The following IGLL5 variants were observed in gnomAD, a reference collection of about 807,000 sequenced individuals.
The protein encoded by IGLL5 is immunoglobulin lambda like polypeptide 5.
In IGLL5, 30 loss-of-function variants were observed where a neutral mutation model predicts 20.9. The observed-to-expected ratio is 1.44, with a 90% CI of 1.07 to 1.95. The LOEUF is 1.95. IGLL5 is among the 30% of genes most tolerant of loss of function. IGLL5 has a pLI of 0.00. For synonymous variants in IGLL5, 203 were observed against 117.3 expected, an observed-to-expected ratio of 1.73 and a Z score of -4.72; for missense variants, 475 against 270.7, an observed-to-expected ratio of 1.75 and a Z score of -5.30.
intron 2 of IGLL5, among the ~76,000 whole-genome samples, chr22:22,894,035 C>G (rs964313764): frequency 6.7e-6 from 1 of 150,286 alleles, no homozygotes; most frequent in Admixed American, 6.6e-5. Context: ...GGTCCCGGGG[C>G]CTGAGCTGGG....
At chr22:22,894,824 T>C (rs1601628839) in intron 2 of IGLL5, among the ~76,000 whole-genome samples, 1 of 151,264 alleles carries the variant, frequency 6.6e-6, no homozygotes, top group Admixed American at 6.6e-5. Flanking sequence ...GCCCACTCCT[T>C]GCCAGGAGAG....
At chr22:22,888,836 G>A (rs1601604386) in intron 1 of IGLL5, among the ~76,000 whole-genome samples, 2 of 151,450 alleles carry the variant, frequency 1.3e-5, no homozygotes, top group East Asian at 2.0e-4. Context: ...CAGGCCCACG[G>A]CCCATGTTTG....
rs537446541 is a variant in IGLL5, at chr22:22,892,202, T to C, written c.207-1498T>C. 7.3e-5 allele frequency among the ~76,000 whole-genome samples: 11 copies of C among 151,358 alleles called. 1 individual carries two copies. The South Asian group carries it at 2.3e-3, about 32-fold the overall frequency. On this transcript the variant is annotated intron_variant, in intron 1 of 2. Transcript: ENST00000526893. Reference sequence around the variant, plus strand: ...TTAATAAAAGGCTAAATGTTTGCTTTCTTTATATGAGAAACAAGTGTTGAA... The same window carrying C: ...TTAATAAAAGGCTAAATGTTTGCTTCCTTTATATGAGAAACAAGTGTTGAA...
rs1382106204 is a variant in IGLL5 at position 22,892,273 on chromosome 22, CAT to C, written c.207-1426_207-1425del. 9.5e-4 allele frequency among the ~76,000 whole-genome samples: 144 copies of C among 151,258 alleles called. 3 individuals carry two copies. Among genetic ancestry groups the C allele is most frequent in the Middle Eastern group, 3.7e-3 (1 of 268 alleles). On this transcript the variant is annotated intron_variant, in intron 1 of 2. Coordinates refer to ENST00000526893, the MANE Select transcript of IGLL5 (RefSeq NM_001178126.2). ...AATTCTGTTTCAAAAATCTTCTGCA[CAT>C]GTCTTAAATACAAATGTATTAAATA...
chr22:22,888,972 A>C (rs538128969), intron 1 of IGLL5, among the ~76,000 whole-genome samples: 1 of 151,424 alleles, frequency 6.6e-6, no homozygotes, highest in South Asian at 2.1e-4. Context: ...AGGAGAGCAC[A>C]GGATGAGGCT....
intron 1 of IGLL5, among the ~76,000 whole-genome samples, chr22:22,892,550 C>T (rs2856870): frequency 6.6e-6 from 1 of 150,972 alleles, no homozygotes. Context: ...GTCCCCAGGC[C>T]TCTGGCTTGA....
rs2067554133 is a variant in IGLL5, at chr22:22,887,942, A to C, written c.-112A>C. On this transcript the variant is annotated 5_prime_UTR_variant, in exon 1 of 3. Coordinates refer to ENST00000526893, the MANE Select transcript of IGLL5 (RefSeq NM_001178126.2). ...GCCAGTCCAGGGAGAGGACAGAGCC[A>C]ATGGACTGGGGTGTACTGTAACAGC... 3 of 851,774 alleles carry C rather than the reference A, an allele frequency of 3.5e-6. No individual in the cohort carries two copies. Among genetic ancestry groups the C allele is most frequent in the Middle Eastern group, 2.8e-4 (1 of 3,614 alleles). 52.8% of individuals were successfully genotyped at this position (851,774 alleles called of 1,614,324 possible).
rs555080007 is a variant in IGLL5 at position 22,888,298 on chromosome 22, C to T, written c.206+39C>T. ...GATTCCAGGGGATGTGGGGGTCCTG[C>T]AGCAGAGCTGGGAAAGGGTGACCAA... On this transcript the variant is annotated intron_variant, in intron 1 of 2. Coordinates refer to ENST00000526893, the MANE Select transcript of IGLL5 (RefSeq NM_001178126.2). The T allele has an allele frequency of 2.3e-5, 35 of 1,533,240 alleles. 1 individual carries two copies. The highest frequency in any genetic ancestry group is 1.2e-4 in the Admixed American group (6 of 50,382). 95.0% of individuals were successfully genotyped at this position (1,533,240 alleles called of 1,614,324 possible). A position where few individuals can be genotyped will look rare whatever the true frequency, so the allele number is the denominator to read the frequency against.
intron 2 of IGLL5, among the ~76,000 whole-genome samples, chr22:22,894,044 G>T (rs748909410): frequency 2.6e-5 from 4 of 150,956 alleles, no homozygotes; most frequent in South Asian, 2.1e-4. Context: ...GCCTGAGCTG[G>T]GATTGGGCAG....
At position 22,895,528 on chromosome 22, in the gene IGLL5, G is replaced by A. The variant is rs778726475; in HGVS notation, c.479G>A (p.Gly160Glu). 8.7e-6 allele frequency: 14 copies of A among 1,612,802 alleles called. 1 individual carries two copies. The South Asian group carries it at 1.5e-4, about 18-fold the overall frequency. Residue 160 changes from glycine (G) to glutamate (E), a missense_variant, in exon 3 of 3, where the codon GGA (glycine) becomes GAA (glutamate). Coordinates refer to ENST00000526893, the MANE Select transcript of IGLL5 (RefSeq NM_001178126.2). ...GCAGATGGCAGCCCCGTCAAGGCGG[G>A]AGTGGAGACCACCAAACCCTCCAAA... is the stretch of plus-strand genomic sequence containing the variant. ...WKADGSPVKAGVETTKPSKQS... is the reference protein window; with the variant it reads ...WKADGSPVKAEVETTKPSKQS...
Position 22,887,978 on chromosome 22 carries a change from A to T in IGLL5, c.-76A>T. 1 of 1,185,236 alleles carries T rather than the reference A, an allele frequency of 8.4e-7. No individual in the cohort carries two copies. 73.4% of individuals were successfully genotyped at this position (1,185,236 alleles called of 1,614,324 possible). A position where few individuals can be genotyped will look rare whatever the true frequency, so the allele number is the denominator to read the frequency against. On this transcript the variant is annotated 5_prime_UTR_variant, in exon 1 of 3. Coordinates refer to ENST00000526893, the MANE Select transcript of IGLL5 (RefSeq NM_001178126.2). The stretch of plus-strand genomic sequence containing the variant: ...GTGTACTGTAACAGCCCTGCTGGCG[A>T]GAGGGACCAGGGCACCGTCCTCCAG...
At chr22:22,894,225 G>T (rs146230936) in intron 2 of IGLL5, among the ~76,000 whole-genome samples, 2 of 151,286 alleles carry the variant, frequency 1.3e-5, no homozygotes, top group African/African-American at 2.4e-5. Flanking sequence ...GTCTAGGGGA[G>T]CAGCCCCAAG....
At chr22:22,894,001 A>G (rs535602250) in intron 2 of IGLL5, among the ~76,000 whole-genome samples, 183 bp downstream of exon 2, 7 of 149,990 alleles carry the variant, frequency 4.7e-5, no homozygotes, top group East Asian at 2.0e-4. Flanking sequence ...GGGCCTCCAC[A>G]GTGGGAGCAG....
At chr22:22,894,777 A>G (rs1601628571) in intron 2 of IGLL5, among the ~76,000 whole-genome samples, 1 of 151,204 alleles carries the variant, frequency 6.6e-6, no homozygotes, top group Non-Finnish European at 1.5e-5. Context: ...GAAACATCTC[A>G]GAGCCTCAGA....
intron 1 of IGLL5, among the ~76,000 whole-genome samples, chr22:22,893,378 T>G (rs2067908468): frequency 6.6e-6 from 1 of 151,044 alleles, no homozygotes; most frequent in Non-Finnish European, 1.5e-5. Context: ...GGGACACTTG[T>G]GTGGGGGACT....
chr22:22,894,806 T>G (rs550864281), intron 2 of IGLL5, among the ~76,000 whole-genome samples: 2 of 151,276 alleles, frequency 1.3e-5, no homozygotes, highest in Admixed American at 6.6e-5. Flanking sequence ...GAGGCTTGTC[T>G]AGGTGGAGCC....
rs1334594356 is a variant in IGLL5, at chr22:22,895,497, T to A, written c.448T>A (p.Trp150Arg). 1.9e-6 allele frequency: 3 copies of A among 1,612,598 alleles called. No homozygotes were observed. The highest frequency in any genetic ancestry group is 2.5e-6 in the Non-Finnish European group (3 of 1,179,598). ...DFYPGAVTVA[W>R]KADGSPVKAG... ...CTACCCGGGAGCTGTGACAGTGGCC[T>A]GGAAGGCAGATGGCAGCCCCGTCAA... The change falls in exon 3 of 3, where the codon TGG becomes AGG. Residue 150 changes from tryptophan to arginine, a missense_variant. Trp to Arg is a moderately radical substitution (Grantham distance 101). Coordinates refer to ENST00000526893, the MANE Select transcript of IGLL5 (RefSeq NM_001178126.2).
intron 2 of IGLL5, 103 bp downstream of exon 2, chr22:22,893,921 A>C (rs1306244549): frequency 2.3e-5 from 19 of 836,576 alleles, no homozygotes; most frequent in African/African-American, 6.7e-5. Context: ...TCCCAGCCTT[A>C]AGCACTGACC....
chr22:22,895,964 C>A lies in IGLL5; in HGVS notation c.*270C>A. ...GAGGAGGCTCACAGCCTCCCTGAGT[C>A]ATCTCCCCAGAGGGTCCTTCCTCTC... On this transcript the variant is annotated 3_prime_UTR_variant, in exon 3 of 3. Transcript: ENST00000526893. The A allele has an allele frequency of 3.5e-6, 2 of 576,932 alleles. No individual in the cohort carries two copies. The highest frequency in any genetic ancestry group is 6.2e-6 in the Non-Finnish European group (2 of 324,994). 35.7% of individuals were successfully genotyped at this position (576,932 alleles called of 1,614,324 possible). A position where few individuals can be genotyped will look rare whatever the true frequency, so the allele number is the denominator to read the frequency against.
Sources: gnomAD v4.1 joint callset for allele counts (sites outside exome capture counted in the v4.1 genomes callset) on GRCh38, gnomAD v4.1.1 for gene constraint, MANE v1.5 for transcripts, NCBI Gene and HGNC (gene_info 2026-07-23, HGNC 2026-07-21) for gene names.